Variants in ZNF385B observed in about 807,000 individuals in gnomAD.
ZNF385B encodes the protein zinc finger protein 385B, also known as zinc finger protein 533.
A neutral mutation model predicts 39.2 loss-of-function variants in ZNF385B; 23 were observed. The ratio of observed to expected loss-of-function variants is 0.59; its 90% CI spans 0.42 to 0.83. The LOEUF (loss-of-function observed/expected upper bound fraction) is 0.83, where lower values mean the gene tolerates loss of function less well. Ranked by LOEUF, ZNF385B falls within the 40% of genes least tolerant of loss-of-function variation. The pLI, the probability that ZNF385B is intolerant of heterozygous loss-of-function variation, is 0.00. For synonymous variants in ZNF385B, 205 were observed against 222.6 expected (o/e 0.92, Z 0.70); for missense variants, 552 against 598.9 (o/e 0.92, Z 0.82).
intron 1 of ZNF385B, among the ~76,000 whole-genome samples, chr2:179,779,009 G>T (rs981133796): frequency 2.6e-4 from 39 of 152,168 alleles, no homozygotes; most frequent in African/African-American, 9.4e-4. Context: ...GACTTGCCAA[G>T]GGTTGAAATA....
chr2:179,734,392 CT>C (rs1189107075), intron 3 of ZNF385B, among the ~76,000 whole-genome samples: 1 of 152,158 alleles, frequency 6.6e-6, no homozygotes, highest in East Asian at 1.9e-4. Context: ...TCAATTCATA[CT>C]CCACATAACA....
chr2:179,591,765 A>C (rs1207614819), intron 3 of ZNF385B, among the ~76,000 whole-genome samples: 1 of 152,042 alleles, frequency 6.6e-6, no homozygotes, highest in East Asian at 1.9e-4. Context: ...GACTGTCCTC[A>C]TTAATAGATA....
intron 3 of ZNF385B, among the ~76,000 whole-genome samples, chr2:179,728,720 T>C: frequency 6.6e-6 from 1 of 152,166 alleles, no homozygotes; most frequent in East Asian, 1.9e-4. Flanking sequence ...TTGCAAACTC[T>C]AATCTTTAGG....
At chr2:179,702,910 A>T (rs1461661951) in intron 3 of ZNF385B, among the ~76,000 whole-genome samples, 1 of 152,192 alleles carries the variant, frequency 6.6e-6, no homozygotes, top group Non-Finnish European at 1.5e-5. Flanking sequence ...ATAAACAAAC[A>T]TCTTCAAAAG....
At chr2:179,852,959 A>G (rs1467051241) in intron 1 of ZNF385B, among the ~76,000 whole-genome samples, 2 of 152,190 alleles carry the variant, frequency 1.3e-5, no homozygotes, top group Non-Finnish European at 2.9e-5. Flanking sequence ...GAATGAGACT[A>G]TATCTTGCCT....
intron 1 of ZNF385B, among the ~76,000 whole-genome samples, chr2:179,792,889 T>A (rs899988621): frequency 6.6e-6 from 1 of 152,196 alleles, no homozygotes; most frequent in African/African-American, 2.4e-5. Flanking sequence ...TCTGTTTGCA[T>A]AAGGCTGAAC....
At chr2:179,475,589 G>T (rs1428205086) in intron 6 of ZNF385B, among the ~76,000 whole-genome samples, 1 of 151,576 alleles carries the variant, frequency 6.6e-6, no homozygotes, top group Admixed American at 6.6e-5. Context: ...CTATAGAAAT[G>T]AGAGCACCAA....
intron 1 of ZNF385B, among the ~76,000 whole-genome samples, chr2:179,793,463 G>C (rs1286676473): frequency 6.6e-6 from 1 of 152,172 alleles, no homozygotes; most frequent in Non-Finnish European, 1.5e-5. Flanking sequence ...GGATCATGGG[G>C]ATAGTTTCTG....
intron 6 of ZNF385B, among the ~76,000 whole-genome samples, chr2:179,457,147 G>A (rs1359696591): frequency 6.6e-6 from 1 of 151,928 alleles, no homozygotes; most frequent in African/African-American, 2.4e-5. Flanking sequence ...TATTTCTTTT[G>A]TGTCTGGCTT....
rs1706510015 is a variant in ZNF385B at position 179,808,198 on chromosome 2, A to C, written c.-154-37526T>G. On this transcript the variant is annotated intron_variant, in intron 1 of 9. Transcript: ENST00000410066. ...CAGGCGCACGCCGCCACGCCTGGCT[A>C]ATTTTTTGTATTTTCAGTAGAGACG... is the stretch of plus-strand genomic sequence containing the variant. Among the ~76,000 whole-genome samples, 3 of 151,868 alleles carry C rather than the reference A, an allele frequency of 2.0e-5. No homozygotes were observed. In the South Asian group the frequency reaches 6.3e-4, roughly 32 times the overall value.
intron 3 of ZNF385B, among the ~76,000 whole-genome samples, chr2:179,609,405 T>C (rs899315415): frequency 6.6e-6 from 1 of 152,226 alleles, no homozygotes; most frequent in African/African-American, 2.4e-5. Flanking sequence ...AGGATCTCAT[T>C]CTTTTCTATG....
At position 179,725,910 on chromosome 2, in the gene ZNF385B, G is replaced by GTA. The variant is rs72080859; in HGVS notation, c.298+43591_298+43592dup. ...TATATGAATATATGTGTTTGTGTGT[G>GTA]TATATATATATATATATATATATGT... On this transcript the variant is annotated intron_variant, in intron 3 of 9. Transcript: ENST00000410066. Among the ~76,000 whole-genome samples the GTA allele has an allele frequency of 9.5e-3, 1,317 of 138,758 alleles. 8 individuals carry two copies. The highest frequency in any genetic ancestry group is 0.022 in the African/African-American group (804 of 35,790). 91.0% of individuals were successfully genotyped at this position (138,758 alleles called of 152,430 possible).
intron 3 of ZNF385B, among the ~76,000 whole-genome samples, chr2:179,620,670 C>T (rs1690136789): frequency 6.6e-6 from 1 of 152,034 alleles, no homozygotes; most frequent in Admixed American, 6.6e-5. Flanking sequence ...AACTAATTTA[C>T]TAACTACTTT....
intron 6 of ZNF385B, among the ~76,000 whole-genome samples, chr2:179,471,460 T>C (rs1412630955): frequency 6.6e-6 from 1 of 152,192 alleles, no homozygotes. Flanking sequence ...ATTTTTATTT[T>C]CTTTTTTTCT....
At chr2:179,467,210 G>A (rs931659275) in intron 6 of ZNF385B, among the ~76,000 whole-genome samples, 1 of 152,004 alleles carries the variant, frequency 6.6e-6, no homozygotes, top group Non-Finnish European at 1.5e-5. Context: ...ATCCATTTAG[G>A]CTTCCTCCAA....
intron 5 of ZNF385B, among the ~76,000 whole-genome samples, chr2:179,488,612 A>G (rs905001529): frequency 2.6e-5 from 4 of 152,160 alleles, no homozygotes; most frequent in Non-Finnish European, 5.9e-5. Flanking sequence ...TATATTTACC[A>G]ATAGAACCAA....
intron 1 of ZNF385B, among the ~76,000 whole-genome samples, chr2:179,855,386 A>G (rs1684510638): frequency 6.6e-6 from 1 of 152,156 alleles, no homozygotes; most frequent in Non-Finnish European, 1.5e-5. Context: ...ATGAATTTCA[A>G]TCTTTTTTAC....
At chr2:179,792,193 G>T (rs1430264618) in intron 1 of ZNF385B, among the ~76,000 whole-genome samples, 1 of 151,990 alleles carries the variant, frequency 6.6e-6, no homozygotes, top group Non-Finnish European at 1.5e-5. Flanking sequence ...ATAACTCTAT[G>T]TTCTGTTATA....
At chr2:179,816,392 C>A (rs1041942689) in intron 1 of ZNF385B, among the ~76,000 whole-genome samples, 1 of 152,216 alleles carries the variant, frequency 6.6e-6, no homozygotes, top group Non-Finnish European at 1.5e-5. Flanking sequence ...TAAGCCCCTG[C>A]AATCTGTTCT....
Sources: allele counts gnomAD v4.1 joint callset (sites outside exome capture counted in the v4.1 genomes callset), GRCh38; gene constraint gnomAD v4.1.1; transcripts MANE v1.5; gene names NCBI Gene and HGNC (gene_info 2026-07-23, HGNC 2026-07-21).